KCNT2: variants seen among roughly 807,000 people sequenced by gnomAD.
KCNT2 encodes potassium sodium-activated channel subfamily T member 2.
In KCNT2, 67 loss-of-function variants were observed where a neutral mutation model predicts 153.8. The observed-to-expected ratio is 0.44, with a 90% CI of 0.36 to 0.53. The LOEUF (loss-of-function observed/expected upper bound fraction) is 0.53. Ranked by LOEUF, KCNT2 falls within the 20% of genes least tolerant of loss-of-function variation. The pLI, the probability that KCNT2 is intolerant of heterozygous loss-of-function variation, is 0.00. For synonymous variants in KCNT2, 500 were observed against 458.8 expected (o/e 1.09, Z -1.15); for missense variants, 975 against 1,354.8 (o/e 0.72, Z 4.40).
chr1:196,391,048 A>G (rs1670446757), intron 13 of KCNT2, among the ~76,000 whole-genome samples: 1 of 151,296 alleles, frequency 6.6e-6, no homozygotes, highest in African/African-American at 2.4e-5. Flanking sequence ...ATACAGTGAG[A>G]CTAGAGCATA....
At chr1:196,282,501 AT>A (rs2147874669) in intron 23 of KCNT2, 145 bp from the exon 24 acceptor site, 2 of 514,960 alleles carry the variant, frequency 3.9e-6, no homozygotes, top group Admixed American at 6.8e-5. Flanking sequence ...ACAAAAGTAA[AT>A]TTAATCTATC....
rs1380598797 is a variant in KCNT2, at chr1:196,508,414, A to T, written c.96-16073T>A. ...TGTATAAAATTTCTGCCCTAGGAAG[A>T]TAAGAGTATAAACCAAGAAATAACT... is the stretch of plus-strand genomic sequence containing the variant. On this transcript the variant is annotated intron_variant, in intron 1 of 27. Transcript: ENST00000294725. Among the ~76,000 whole-genome samples, 5 of 152,240 alleles carry T rather than the reference A, an allele frequency of 3.3e-5. No homozygotes were observed. In the East Asian group the frequency reaches 5.8e-4, roughly 18 times the overall value.
chr1:196,537,435 C>A (rs1159401472), intron 1 of KCNT2, among the ~76,000 whole-genome samples: 1 of 152,166 alleles, frequency 6.6e-6, no homozygotes, highest in African/African-American at 2.4e-5. Flanking sequence ...GCTGCCAAGC[C>A]ATGTAAAATA....
intron 8 of KCNT2, among the ~76,000 whole-genome samples, chr1:196,431,353 T>C (rs969249369): frequency 1.3e-5 from 2 of 152,040 alleles, no homozygotes; most frequent in African/African-American, 2.4e-5. Context: ...AGTTTTAGGG[T>C]ACATGCCAGA....
intron 21 of KCNT2, among the ~76,000 whole-genome samples, chr1:196,312,041 A>T (rs745309169): frequency 1.3e-5 from 2 of 151,856 alleles, no homozygotes; most frequent in African/African-American, 4.8e-5. Flanking sequence ...CTTTAGAAGG[A>T]TACATTTAAA....
At chr1:196,228,974 AGT>A (rs1424333868) in intron 27 of KCNT2, among the ~76,000 whole-genome samples, 1 of 152,134 alleles carries the variant, frequency 6.6e-6, no homozygotes, top group Non-Finnish European at 1.5e-5. Context: ...ATAATACTAA[AGT>A]ATAGAGAATA....
intron 12 of KCNT2, among the ~76,000 whole-genome samples, chr1:196,415,894 C>T (rs1232003076): frequency 1.3e-5 from 2 of 151,960 alleles, no homozygotes; most frequent in Non-Finnish European, 2.9e-5. Context: ...TAAGAATTTA[C>T]TTGCTTTCCT....
At chr1:196,284,609 T>G (rs1371787681) in intron 23 of KCNT2, among the ~76,000 whole-genome samples, 1 of 151,668 alleles carries the variant, frequency 6.6e-6, no homozygotes, top group Non-Finnish European at 1.5e-5. Flanking sequence ...TTTAATCTCT[T>G]TAAGAGATCA....
At chr1:196,400,801 G>C (rs1037912309) in intron 12 of KCNT2, among the ~76,000 whole-genome samples, 1 of 151,658 alleles carries the variant, frequency 6.6e-6, no homozygotes, top group Admixed American at 6.6e-5. Flanking sequence ...AAAATCTATA[G>C]AACAAGCATA....
intron 26 of KCNT2, among the ~76,000 whole-genome samples, chr1:196,242,514 AT>A (rs1655049281): frequency 6.6e-6 from 1 of 152,194 alleles, no homozygotes; most frequent in Admixed American, 6.5e-5. Flanking sequence ...AAATAAGTAC[AT>A]ACCAAGCTTT....
At chr1:196,464,418 C>A (rs913060464) in intron 8 of KCNT2, among the ~76,000 whole-genome samples, 1 of 151,832 alleles carries the variant, frequency 6.6e-6, no homozygotes, top group Non-Finnish European at 1.5e-5. Context: ...TAACCACATA[C>A]TATTGATACA....
chr1:196,373,794 G>T (rs988319306), intron 13 of KCNT2, among the ~76,000 whole-genome samples: 2 of 151,816 alleles, frequency 1.3e-5, no homozygotes, highest in Non-Finnish European at 2.9e-5. Context: ...GTAATATCAA[G>T]CAATAGAATT....
chr1:196,300,381 G>T (rs1661072156), intron 22 of KCNT2, among the ~76,000 whole-genome samples: 1 of 152,280 alleles, frequency 6.6e-6, no homozygotes, highest in African/African-American at 2.4e-5. Context: ...TCCAAAATAT[G>T]TCAGCTTGAC....
intron 11 of KCNT2, among the ~76,000 whole-genome samples, chr1:196,424,752 G>A (rs1673506084): frequency 6.6e-6 from 1 of 151,364 alleles, no homozygotes; most frequent in Non-Finnish European, 1.5e-5. Context: ...GGTAACATCA[G>A]AGTTCCTGAC....
At chr1:196,437,384 A>T (rs147250642) in intron 8 of KCNT2, among the ~76,000 whole-genome samples, 7,855 of 138,648 alleles carry the variant, frequency 0.057, 350 homozygotes, top group Non-Finnish European at 0.085. Flanking sequence ...TTTTATTTAT[A>T]TATATACACA....
rs565924616 is a variant in KCNT2, at chr1:196,490,292, A to G, written c.176-355T>C. 1.8e-4 allele frequency among the ~76,000 whole-genome samples: 27 copies of G among 151,766 alleles called. No homozygotes were observed. In the East Asian group the frequency reaches 4.3e-3, roughly 24 times the overall value. On this transcript the variant is annotated intron_variant, in intron 2 of 27. Coordinates refer to ENST00000294725, the MANE Select transcript of KCNT2 (RefSeq NM_198503.5). ...TATACATCCATAAATTTTGGGATAA[A>G]CTTTGGCTAGAAAATCTAGCTGCTT...
chr1:196,520,256 T>C (rs1302293971), intron 1 of KCNT2, among the ~76,000 whole-genome samples: 1 of 151,848 alleles, frequency 6.6e-6, no homozygotes, highest in African/African-American at 2.4e-5. Context: ...AAATTCAACA[T>C]CCCTTGATTT....
intron 1 of KCNT2, among the ~76,000 whole-genome samples, chr1:196,550,504 A>C (rs1351491634): frequency 6.6e-6 from 1 of 151,958 alleles, no homozygotes; most frequent in Admixed American, 6.6e-5. Context: ...ATAAATGATT[A>C]TCACAATCAA....
At chr1:196,455,572 T>G (rs1171330084) in intron 8 of KCNT2, among the ~76,000 whole-genome samples, 1 of 152,038 alleles carries the variant, frequency 6.6e-6, no homozygotes, top group African/African-American at 2.4e-5. Context: ...TTTTCTCTCT[T>G]ATGAACATCT....
Sources: gnomAD v4.1 joint callset for allele counts (sites outside exome capture counted in the v4.1 genomes callset) on GRCh38, gnomAD v4.1.1 for gene constraint, MANE v1.5 for transcripts, NCBI Gene and HGNC (gene_info 2026-07-23, HGNC 2026-07-21) for gene names.